Variants in DPP10 observed in about 807,000 individuals in gnomAD.
DPP10 encodes the protein dipeptidyl peptidase like 10, also known as inactive dipeptidyl peptidase 10.
DPP10 carries 33 observed loss-of-function variants against 120.9 expected under a neutral mutation model. The ratio of observed to expected loss-of-function variants is 0.27; its 90% CI spans 0.21 to 0.37. DPP10 has a LOEUF of 0.37. DPP10 is among the 10% of genes least tolerant of loss of function. DPP10 has a pLI of 1.00. For synonymous variants in DPP10, 337 were observed against 326.1 expected (o/e 1.03, Z -0.36); for missense variants, 816 against 942.8 (o/e 0.87, Z 1.76).
intron 1 of DPP10, among the ~76,000 whole-genome samples, chr2:115,203,725 C>G (rs986607612): frequency 1.3e-5 from 2 of 152,076 alleles, no homozygotes; most frequent in Admixed American, 1.3e-4. Context: ...TCTTCTTGAC[C>G]TCTCTATGAT....
chr2:115,491,983 T>C (rs2105352492), intron 3 of DPP10, among the ~76,000 whole-genome samples: 1 of 152,292 alleles, frequency 6.6e-6, no homozygotes, highest in South Asian at 2.1e-4. Context: ...AGTTGTGAAG[T>C]AGATGGAGGA....
At chr2:114,499,001 C>T (rs1011671609) in intron 1 of DPP10, among the ~76,000 whole-genome samples, 5 of 152,164 alleles carry the variant, frequency 3.3e-5, no homozygotes, top group Non-Finnish European at 7.3e-5. Context: ...TCTAGCACAA[C>T]ATTTATAGAT....
chr2:114,802,493 C>T (rs1013714078), intron 1 of DPP10, among the ~76,000 whole-genome samples: 1 of 142,474 alleles, frequency 7.0e-6, no homozygotes, highest in Non-Finnish European at 1.5e-5. Context: ...CTCTTCCCTG[C>T]TCTCTTTATG....
intron 5 of DPP10, among the ~76,000 whole-genome samples, chr2:115,605,269 C>G (rs2083628197): frequency 6.6e-6 from 1 of 152,000 alleles, no homozygotes; most frequent in South Asian, 2.1e-4. Flanking sequence ...ATCACTGTTT[C>G]TCTCATTTTG....
intron 1 of DPP10, among the ~76,000 whole-genome samples, chr2:114,568,393 T>C (rs1250093696): frequency 1.3e-5 from 2 of 152,220 alleles, no homozygotes; most frequent in Admixed American, 1.3e-4. Context: ...GTCATTATGT[T>C]AAGTAAAATA....
intron 5 of DPP10, among the ~76,000 whole-genome samples, chr2:115,644,204 G>T (rs1558970336): frequency 6.6e-6 from 1 of 152,016 alleles, no homozygotes. Flanking sequence ...GGGTACATGT[G>T]CACAACGTGC....
intron 1 of DPP10, among the ~76,000 whole-genome samples, chr2:114,662,600 G>A (rs1697513520): frequency 6.6e-6 from 1 of 152,174 alleles, no homozygotes; most frequent in Admixed American, 6.5e-5. Context: ...TCTTCCCTGA[G>A]AACACGGTCC....
intron 1 of DPP10, among the ~76,000 whole-genome samples, chr2:115,211,625 C>G (rs2056520177): frequency 6.6e-6 from 1 of 151,802 alleles, no homozygotes; most frequent in African/African-American, 2.4e-5. Flanking sequence ...AGGACACTTA[C>G]CCAATTTTCT....
chr2:115,697,746 G>A (rs904657646), intron 7 of DPP10, among the ~76,000 whole-genome samples: 2 of 152,152 alleles, frequency 1.3e-5, no homozygotes, highest in African/African-American at 4.8e-5. Flanking sequence ...AGCACTTTAG[G>A]AGGCTGAGGC....
intron 1 of DPP10, among the ~76,000 whole-genome samples, chr2:114,555,969 G>A (rs1049707983): frequency 2.6e-5 from 4 of 152,026 alleles, no homozygotes; most frequent in African/African-American, 9.7e-5. Flanking sequence ...GTTGAAGAGA[G>A]AGCCAGGAGC....
intron 5 of DPP10, among the ~76,000 whole-genome samples, chr2:115,677,962 C>G (rs145066752): frequency 3.3e-4 from 50 of 152,288 alleles, no homozygotes; most frequent in African/African-American, 1.2e-3. Flanking sequence ...CTGCAGAAGA[C>G]ACATTCTTCT....
intron 9 of DPP10, among the ~76,000 whole-genome samples, chr2:115,745,815 G>A (rs1677891879): frequency 6.6e-6 from 1 of 151,894 alleles, no homozygotes; most frequent in Non-Finnish European, 1.5e-5. Context: ...CCATTTTAGG[G>A]AAAGAACACA....
intron 1 of DPP10, chr2:115,144,870 C>T (rs1035724294): frequency 6.6e-6 from 1 of 151,902 alleles, no homozygotes; most frequent in African/African-American, 2.4e-5. Flanking sequence ...CAGTGCAGCT[C>T]CCTTCTTCCA....
rs989637763 is a variant in DPP10 at position 115,592,492 on chromosome 2, G to C, written c.441+66520G>C. On this transcript the variant is annotated intron_variant, in intron 5 of 25. Transcript: ENST00000410059. ...TGCCTGTAATCCTAGCACTTTGGGA[G>C]GCCAAGGCCTAGCACTTTGATCATG... 5.3e-5 allele frequency among the ~76,000 whole-genome samples: 8 copies of C among 152,096 alleles called. No homozygotes were observed. The South Asian group carries it at 1.7e-3, about 32-fold the overall frequency.
At chr2:115,805,991 T>C (rs976156274) in intron 19 of DPP10, among the ~76,000 whole-genome samples, 2 of 152,206 alleles carry the variant, frequency 1.3e-5, no homozygotes, top group African/African-American at 4.8e-5. Flanking sequence ...TGATGAGCAA[T>C]ATGCCTCATG....
At chr2:114,581,096 A>T (rs1690472692) in intron 1 of DPP10, among the ~76,000 whole-genome samples, 1 of 151,138 alleles carries the variant, frequency 6.6e-6, no homozygotes. Flanking sequence ...TGGAACTATT[A>T]TATAATTTTG....
At chr2:115,227,357 T>C (rs2057485120) in intron 1 of DPP10, among the ~76,000 whole-genome samples, 1 of 152,206 alleles carries the variant, frequency 6.6e-6, no homozygotes, top group East Asian at 1.9e-4. Flanking sequence ...TCTTCATCTT[T>C]CAGTAAAGAA....
chr2:114,602,000 A>C (rs964797814), intron 1 of DPP10, among the ~76,000 whole-genome samples: 6 of 151,934 alleles, frequency 3.9e-5, no homozygotes, highest in Non-Finnish European at 7.4e-5. Flanking sequence ...AATAATACAT[A>C]CCTATGGAAA....
chr2:115,007,548 T>G (rs1413444262), intron 1 of DPP10, among the ~76,000 whole-genome samples: 1 of 149,334 alleles, frequency 6.7e-6, no homozygotes, highest in Admixed American at 6.7e-5. Context: ...ACCACTCCTA[T>G]TCAACATAGT....
Sources: gnomAD v4.1 joint callset for allele counts (sites outside exome capture counted in the v4.1 genomes callset) on GRCh38, gnomAD v4.1.1 for gene constraint, MANE v1.5 for transcripts, NCBI Gene and HGNC (gene_info 2026-07-23, HGNC 2026-07-21) for gene names.